RIN3: variants seen among roughly 807,000 people sequenced by gnomAD.
RIN3 encodes the protein Ras and Rab interactor 3, also known as RAB5 interacting protein 3.
A neutral mutation model predicts 76.3 loss-of-function variants in RIN3; 54 were observed. The ratio of observed to expected loss-of-function variants is 0.71; its 90% CI spans 0.57 to 0.89. The LOEUF (loss-of-function observed/expected upper bound fraction) is 0.89, where lower values mean the gene tolerates loss of function less well. Ranked by LOEUF, RIN3 falls within the 40% of genes least tolerant of loss-of-function variation. The pLI is 0.00. For synonymous variants in RIN3, 576 were observed against 564.0 expected, an observed-to-expected ratio of 1.02 and a Z score of -0.30; for missense variants, 1,256 against 1,322.1, an observed-to-expected ratio of 0.95 and a Z score of 0.78.
In RIN3 at chr14:92,514,209, C is replaced by A. The variant is rs71430764; in HGVS notation, c.44+233C>A. On this transcript the variant is annotated intron_variant, in intron 1 of 9. Transcript: ENST00000216487. This position sits in a 1 kb window ranked among gnomAD's most constrained non-coding sequence, Gnocchi z 7.2. ...GCTAAACTTTCAAGGCCAGGCATTT[C>A]ACTGGGAACCCAGTGCACACTTTAG... is the stretch of plus-strand genomic sequence containing the variant. Among the ~76,000 whole-genome samples, 5,325 of 152,294 alleles carry A rather than the reference C, an allele frequency of 0.035. 128 individuals are homozygous for A. Among genetic ancestry groups the A allele is most frequent in the Non-Finnish European group, 0.057 (3,843 of 68,006 alleles).
In RIN3 at chr14:92,667,836, G is replaced by C. The variant is rs372565015; in HGVS notation, c.2335+8367G>C. On this transcript the variant is annotated intron_variant, in intron 7 of 9. Coordinates refer to ENST00000216487, the MANE Select transcript of RIN3 (RefSeq NM_024832.5). ...GATCCATGCATAGGAAGACTTCCTA[G>C]GTCTCCCTAGGGATTGACATCCAGG... is the stretch of plus-strand genomic sequence containing the variant. 1.0e-3 allele frequency among the ~76,000 whole-genome samples: 152 copies of C among 152,106 alleles called. 3 individuals are homozygous for C. In the South Asian group the frequency reaches 0.029, roughly 29 times the overall value.
At chr14:92,558,645 A>G (rs1897667191) in intron 2 of RIN3, among the ~76,000 whole-genome samples, 1 of 152,174 alleles carries the variant, frequency 6.6e-6, no homozygotes, top group Non-Finnish European at 1.5e-5. Context: ...AGGGGAAGGG[A>G]CTGATGCCAA....
intron 3 of RIN3, among the ~76,000 whole-genome samples, chr14:92,606,366 C>G (rs1167928500): frequency 6.6e-6 from 1 of 151,830 alleles, no homozygotes; most frequent in Non-Finnish European, 1.5e-5. Context: ...TATTGAGACC[C>G]CATATCTACA....
Position 92,626,298 on chromosome 14 carries a change from A to G in RIN3, c.440+10819A>G, listed in dbSNP as rs1013769054. 2.6e-5 allele frequency among the ~76,000 whole-genome samples: 4 copies of G among 152,168 alleles called. No individual in the cohort carries two copies. In the East Asian group the frequency reaches 7.7e-4, roughly 29 times the overall value. On this transcript the variant is annotated intron_variant, in intron 4 of 9. Transcript: ENST00000216487. ...CCAAATTGTCATAGCAGCCCTGTGAATCATCCCCCTTTCTTCCCCTGAGAA... is the reference window on the plus strand; with the variant it reads ...CCAAATTGTCATAGCAGCCCTGTGAGTCATCCCCCTTTCTTCCCCTGAGAA...
intron 1 of RIN3, among the ~76,000 whole-genome samples, chr14:92,553,580 C>T (rs56176532): frequency 0.028 from 4,280 of 152,132 alleles, 85 homozygotes; most frequent in South Asian, 0.065. Context: ...TGCCATTCCC[C>T]GGGACACTCA....
At chr14:92,541,030 C>T (rs1395185505) in intron 1 of RIN3, among the ~76,000 whole-genome samples, 1 of 152,236 alleles carries the variant, frequency 6.6e-6, no homozygotes, top group African/African-American at 2.4e-5. Flanking sequence ...ATGGGAAGTT[C>T]AACCTACTTG....
chr14:92,639,259 C>T (rs998197347), intron 4 of RIN3, among the ~76,000 whole-genome samples: 1 of 152,150 alleles, frequency 6.6e-6, no homozygotes. Context: ...TAGCTCTGGC[C>T]GAGGCCATGG....
chr14:92,570,321 TACACAC>T (rs10588548), intron 2 of RIN3, among the ~76,000 whole-genome samples: 140 of 149,428 alleles, frequency 9.4e-4, no homozygotes, highest in Admixed American at 1.1e-3. Context: ...TCGTGGCAGA[TACACAC>T]ACACACACAC....
Position 92,651,929 on chromosome 14 carries a change from C to A in RIN3, c.880C>A (p.Pro294Thr). The A allele has an allele frequency of 6.4e-7, 1 of 1,559,322 alleles. No individual in the cohort carries two copies. The highest frequency in any genetic ancestry group is 1.8e-5 in the Admixed American group (1 of 57,006). ...AGTGCTGCCCCTGCAGCCCTGCAGC[C>A]CAGCCCAGCCCCCTGTGCTCCCTGC... The part of the protein sequence containing the change: ...PPVLPLQPCS[P>T]AQPPVLPALA... The change falls in exon 6 of 10, where the codon CCA becomes ACA. Residue 294 changes from proline to threonine, a missense_variant. This residue lies in a region of RIN3 where 610 missense variants were observed against 626.4 expected (regional missense o/e 0.97). Coordinates refer to ENST00000216487, the MANE Select transcript of RIN3 (RefSeq NM_024832.5).
intron 1 of RIN3, among the ~76,000 whole-genome samples, chr14:92,540,029 G>A (rs924312220): frequency 1.3e-5 from 2 of 152,212 alleles, no homozygotes. Flanking sequence ...TAGGGACAGC[G>A]GGGCACCTAG....
intron 4 of RIN3, among the ~76,000 whole-genome samples, chr14:92,633,063 C>G (rs1886647415): frequency 6.6e-6 from 1 of 152,186 alleles, no homozygotes; most frequent in African/African-American, 2.4e-5. Flanking sequence ...CAAGGGGCTG[C>G]TGCAGCCATC....
chr14:92,515,826 A>G (rs557259376), intron 1 of RIN3, among the ~76,000 whole-genome samples: 1 of 152,326 alleles, frequency 6.6e-6, no homozygotes, highest in East Asian at 1.9e-4. Context: ...CTAGCACTGT[A>G]TGAATATTGG....
chr14:92,535,049 T>C (rs1240578509), intron 1 of RIN3, among the ~76,000 whole-genome samples: 1 of 152,218 alleles, frequency 6.6e-6, no homozygotes, highest in Admixed American at 6.5e-5. Flanking sequence ...GCCTTGGTAG[T>C]GTCAGCCTCC....
At chr14:92,567,967 A>T (rs1595422132) in intron 2 of RIN3, among the ~76,000 whole-genome samples, 1 of 152,192 alleles carries the variant, frequency 6.6e-6, no homozygotes, top group Non-Finnish European at 1.5e-5. Context: ...CAGGCATTTT[A>T]TATACATGAT....
chr14:92,666,178 C>T (rs999430482), intron 7 of RIN3, among the ~76,000 whole-genome samples: 2 of 152,110 alleles, frequency 1.3e-5, no homozygotes, highest in Non-Finnish European at 2.9e-5. Flanking sequence ...GAAGATGCCT[C>T]ACCCACCTGC....
intron 2 of RIN3, among the ~76,000 whole-genome samples, chr14:92,563,317 C>T (rs61656287): frequency 0.39 from 59,480 of 151,896 alleles, 12,487 homozygotes; most frequent in South Asian, 0.51. Flanking sequence ...GAAAAGATCG[C>T]ACCACTGCAC....
At chr14:92,594,130 A>C (rs1306605965) in intron 3 of RIN3, among the ~76,000 whole-genome samples, 2 of 152,128 alleles carry the variant, frequency 1.3e-5, no homozygotes, top group Non-Finnish European at 2.9e-5. Context: ...CCTTAAAAAA[A>C]ATTTAAAAGG....
At chr14:92,609,881 GTGTGTA>G (rs1328584038) in intron 3 of RIN3, among the ~76,000 whole-genome samples, 63 of 40,254 alleles carry the variant, frequency 1.6e-3, no homozygotes, top group African/African-American at 3.4e-3. Context: ...GTGTGTGTGT[GTGTGTA>G]TGTATGTGTG....
chr14:92,646,478 A>G (rs1887203751), intron 5 of RIN3, among the ~76,000 whole-genome samples: 1 of 152,182 alleles, frequency 6.6e-6, no homozygotes, highest in African/African-American at 2.4e-5. Context: ...CTTTTTGCCC[A>G]GGCTGGAGTG....
Sources: allele counts gnomAD v4.1 joint callset (sites outside exome capture counted in the v4.1 genomes callset), GRCh38; gene constraint gnomAD v4.1.1; regional missense constraint gnomAD v4.1.1; non-coding constraint Gnocchi (gnomAD v3.1); transcripts MANE v1.5; gene names NCBI Gene and HGNC (gene_info 2026-07-23, HGNC 2026-07-21).